ARHGEF18: variants seen among roughly 807,000 people sequenced by gnomAD.
The protein encoded by ARHGEF18 is Rho/Rac guanine nucleotide exchange factor 18, also known as rho guanine nucleotide exchange factor 18.
Under a neutral mutation model 155.7 loss-of-function variants are expected in ARHGEF18, and 93 were observed. The ratio of observed to expected loss-of-function variants is 0.60; its 90% CI spans 0.50 to 0.71. The LOEUF is 0.71. Among genes scored for constraint, ARHGEF18 ranks in the 30% least tolerant of loss-of-function variants. ARHGEF18 has a pLI of 0.00. For missense variants in ARHGEF18, 1,593 were observed against 1,816.1 expected (o/e 0.88, Z 2.23); for synonymous variants, 742 against 753.1 (o/e 0.99, Z 0.24).
In ARHGEF18 at chr19:7,460,849, C is replaced by T. The variant is rs140776154; in HGVS notation, c.2452+855C>T. ...CTGTCACCAGGCTGGAATGCAGTGG[C>T]GTGATCTCGGCTTACTGCAAGCTCT... is the stretch of plus-strand genomic sequence containing the variant. On this transcript the variant is annotated intron_variant, in intron 20 of 28. Transcript: ENST00000668164. Among the ~76,000 whole-genome samples the T allele has an allele frequency of 7.1e-3, 1,082 of 151,348 alleles. 13 individuals carry two copies. The highest frequency in any genetic ancestry group is 0.024 in the African/African-American group (981 of 41,208).
chr19:7,410,642 T>C (rs1278359833), intron 10 of ARHGEF18, among the ~76,000 whole-genome samples: 1 of 151,626 alleles, frequency 6.6e-6, no homozygotes, highest in African/African-American at 2.4e-5. Flanking sequence ...AAACCCCATC[T>C]CTACTAAAAA....
intron 10 of ARHGEF18, among the ~76,000 whole-genome samples, chr19:7,435,454 T>G (rs948331870): frequency 2.6e-5 from 4 of 152,094 alleles, no homozygotes; most frequent in African/African-American, 9.7e-5. Context: ...GGGGAAAATA[T>G]GGACAGGAGT....
intron 22 of ARHGEF18, 109 bp downstream of exon 22, chr19:7,464,064 G>A: frequency 7.2e-7 from 1 of 1,392,072 alleles, no homozygotes; most frequent in Non-Finnish European, 9.5e-7. Context: ...TTGAGACAGA[G>A]TCTTGCTCTG....
rs540027952 is a variant in ARHGEF18 at position 7,355,646 on chromosome 19, A to G, written c.-111+6405A>G. 3.2e-5 allele frequency: 32 copies of G among 985,440 alleles called. No individual in the cohort carries two copies. In the African/African-American group the frequency reaches 5.2e-4, roughly 16 times the overall value. 61.0% of individuals were successfully genotyped at this position (985,440 alleles called of 1,614,324 possible). A position where few individuals can be genotyped will look rare whatever the true frequency, so the allele number is the denominator to read the frequency against. The stretch of plus-strand genomic sequence containing the variant: ...GGCCCCCATGGCTGACTCGGTGCTC[A>G]ACCACTCCTGGCCGGCCTTCTCCAA... On this transcript the variant is annotated intron_variant, in intron 1 of 28. Coordinates refer to ENST00000668164, the MANE Select transcript of ARHGEF18 (RefSeq NM_001367823.1).
At chr19:7,363,701 GT>G (rs1568266692) in intron 2 of ARHGEF18, among the ~76,000 whole-genome samples, 1 of 150,848 alleles carries the variant, frequency 6.6e-6, no homozygotes, top group Non-Finnish European at 1.5e-5. Context: ...AGAAATGTGA[GT>G]GGAAGGAAGG....
intron 1 of ARHGEF18, among the ~76,000 whole-genome samples, chr19:7,357,889 G>A (rs928833458): frequency 1.3e-5 from 2 of 151,946 alleles, no homozygotes; most frequent in African/African-American, 4.8e-5. Flanking sequence ...CAATCTGTTG[G>A]TGCATGTCTG....
In ARHGEF18 at chr19:7,427,054, G is replaced by A. The variant is rs543507749; in HGVS notation, c.968-13290G>A. On this transcript the variant is annotated intron_variant, in intron 10 of 28. Transcript: ENST00000668164. ...GACCCTGGCCTCCTTTTTCCCTCTCGTAAGCTCGAGGTGGGGAAAACCCAG... is the reference window on the plus strand; with the variant it reads ...GACCCTGGCCTCCTTTTTCCCTCTCATAAGCTCGAGGTGGGGAAAACCCAG... Among the ~76,000 whole-genome samples the A allele has an allele frequency of 7.2e-5, 11 of 152,164 alleles. No individual in the cohort carries two copies. In the East Asian group the frequency reaches 1.7e-3, roughly 24 times the overall value.
chr19:7,426,458 G>T (rs1973668170), intron 10 of ARHGEF18, among the ~76,000 whole-genome samples: 1 of 145,796 alleles, frequency 6.9e-6, no homozygotes, highest in Admixed American at 7.2e-5. Flanking sequence ...GCACACTCCA[G>T]CCTGGGCGAC....
chr19:7,417,428 T>C (rs1973088469), intron 10 of ARHGEF18, among the ~76,000 whole-genome samples: 1 of 152,122 alleles, frequency 6.6e-6, no homozygotes, highest in Admixed American at 6.6e-5. Context: ...CCCAGCACAG[T>C]GGCTCACACC....
At chr19:7,466,457 C>T (rs1037047376) in intron 23 of ARHGEF18, among the ~76,000 whole-genome samples, 25 of 147,876 alleles carry the variant, frequency 1.7e-4, no homozygotes, top group Non-Finnish European at 1.9e-4. Context: ...CTCAGGAGGC[C>T]GAGGTGGGAG....
chr19:7,370,908 TTTTC>T lies in ARHGEF18; in HGVS notation c.16-1888_16-1885del, dbSNP rs991432060. Among the ~76,000 whole-genome samples, 494 of 151,062 alleles carry T rather than the reference TTTTC, an allele frequency of 3.3e-3. 3 individuals carry two copies. Among genetic ancestry groups the T allele is most frequent in the African/African-American group, 0.012 (468 of 40,658 alleles). ...AGATTTACCACACCCCGCTTTTTTT[TTTTC>T]TTTCTTTCTTTCTTTGGAGACAGGG... On this transcript the variant is annotated intron_variant, in intron 2 of 28. Transcript: ENST00000668164.
intron 1 of ARHGEF18, among the ~76,000 whole-genome samples, chr19:7,352,147 A>G (rs75450991): frequency 6.6e-6 from 1 of 152,016 alleles, no homozygotes; most frequent in South Asian, 2.1e-4. Flanking sequence ...CTATAGGGAT[A>G]ATTTGTGTCT....
chr19:7,403,376 AG>A (rs1972118249), intron 10 of ARHGEF18, among the ~76,000 whole-genome samples: 1 of 152,040 alleles, frequency 6.6e-6, no homozygotes, highest in South Asian at 2.1e-4. Context: ...CCCAGCCCCC[AG>A]CAGCCACGAC....
At chr19:7,427,649 A>G (rs1175019597) in intron 10 of ARHGEF18, among the ~76,000 whole-genome samples, 1 of 150,998 alleles carries the variant, frequency 6.6e-6, no homozygotes, top group East Asian at 1.9e-4. Context: ...TGTCTCTAAA[A>G]AAAAAAAAAA....
intron 10 of ARHGEF18, among the ~76,000 whole-genome samples, chr19:7,400,552 G>T (rs1971979998): frequency 1.3e-5 from 2 of 152,110 alleles, no homozygotes; most frequent in Non-Finnish European, 2.9e-5. Flanking sequence ...ACAAAAATTG[G>T]CCGGGCACAG....
At position 7,470,339 on chromosome 19, in the gene ARHGEF18, C is replaced by T. The variant is rs1487354104; in HGVS notation, c.*41C>T. On this transcript the variant is annotated 3_prime_UTR_variant, in exon 29 of 29. Coordinates refer to ENST00000668164, the MANE Select transcript of ARHGEF18 (RefSeq NM_001367823.1). The surrounding 1 kb of genome is among the most constrained non-coding windows in gnomAD (Gnocchi z 5.9). The stretch of plus-strand genomic sequence containing the variant: ...AGGTGCAAGGCCCCTCCCTGCCCTG[C>T]CCACCCTTCCTGCTCTCTGGGGACC... 1.4e-6 allele frequency: 2 copies of T among 1,428,198 alleles called. No homozygotes were observed. Among genetic ancestry groups the T allele is most frequent in the Admixed American group, 2.7e-5 (1 of 37,466 alleles). 88.5% of individuals were successfully genotyped at this position (1,428,198 alleles called of 1,614,324 possible). A position where few individuals can be genotyped will look rare whatever the true frequency, so the allele number is the denominator to read the frequency against.
intron 1 of ARHGEF18, among the ~76,000 whole-genome samples, chr19:7,356,730 C>T (rs1969323201): frequency 6.6e-6 from 1 of 152,202 alleles, no homozygotes; most frequent in South Asian, 2.1e-4. Context: ...CGGCTCCCCA[C>T]TGCCCATATG....
rs936910023 is a variant in ARHGEF18 at position 7,470,893 on chromosome 19, G to T, written c.*595G>T. 5.0e-6 allele frequency: 2 copies of T among 401,128 alleles called. No homozygotes were observed. Among genetic ancestry groups the T allele is most frequent in the African/African-American group, 4.1e-5 (2 of 48,716 alleles). The allele number at this position is 401,128 out of a possible 1,614,324, so 24.8% of individuals were successfully genotyped here. On this transcript the variant is annotated 3_prime_UTR_variant, in exon 29 of 29. Coordinates refer to ENST00000668164, the MANE Select transcript of ARHGEF18 (RefSeq NM_001367823.1). The surrounding 1 kb of genome is among the most constrained non-coding windows in gnomAD (Gnocchi z 5.9). ...GGTCAGGGAATGAGCCAGGCACGGG[G>T]GCATGGGCAGAGAGGGCCACGGGGC... is the stretch of plus-strand genomic sequence containing the variant.
chr19:7,397,732 CAAAA>C (rs528314433), intron 10 of ARHGEF18, among the ~76,000 whole-genome samples: 17 of 130,938 alleles, frequency 1.3e-4, no homozygotes, highest in African/African-American at 4.7e-4. Context: ...GATTCCATCT[CAAAA>C]AAAAAAAAAA....
Sources: allele counts gnomAD v4.1 joint callset (sites outside exome capture counted in the v4.1 genomes callset), GRCh38; gene constraint gnomAD v4.1.1; non-coding constraint Gnocchi (gnomAD v3.1); transcripts MANE v1.5; gene names NCBI Gene and HGNC (gene_info 2026-07-23, HGNC 2026-07-21).